COG3: variants seen among roughly 807,000 people sequenced by gnomAD.
COG3 encodes conserved oligomeric Golgi complex subunit 3.
Under a neutral mutation model 114.1 loss-of-function variants are expected in COG3, and 32 were observed. That is an observed-to-expected ratio of 0.28 (90% CI 0.21 to 0.38). The LOEUF is 0.38. Among genes scored for constraint, COG3 ranks in the 10% least tolerant of loss-of-function variants. The probability of loss-of-function intolerance (pLI) is 1.00; values close to 1 mark genes in which losing one functional copy is unlikely to be tolerated. For synonymous variants in COG3, 352 were observed against 365.7 expected (o/e 0.96, Z 0.43); for missense variants, 813 against 973.2 (o/e 0.84, Z 2.19).
intron 7 of COG3, 41 bp from the exon 8 acceptor site, chr13:45,486,454 C>G (rs767279682): frequency 1.6e-6 from 2 of 1,240,002 alleles, no homozygotes; most frequent in Non-Finnish European, 1.2e-6. Context: ...TATTTGTTTG[C>G]TAATTATCTT....
At chr13:45,475,166 G>A (rs1593676369) in intron 1 of COG3, among the ~76,000 whole-genome samples, 1 of 152,150 alleles carries the variant, frequency 6.6e-6, no homozygotes, top group South Asian at 2.1e-4. Context: ...AATGGTAGGA[G>A]GAGGTAATGT....
At chr13:45,468,395 T>C (rs1292846107) in intron 1 of COG3, among the ~76,000 whole-genome samples, 2 of 152,178 alleles carry the variant, frequency 1.3e-5, no homozygotes, top group East Asian at 1.9e-4. Context: ...CTTAAAAGAA[T>C]AGATTAGAAT....
At chr13:45,465,347 G>C (rs1343254839) in intron 1 of COG3, 137 bp downstream of exon 1, 11 of 1,356,074 alleles carry the variant, frequency 8.1e-6, no homozygotes, top group South Asian at 1.5e-5. Context: ...CGGATCCGGT[G>C]GGAGGGGCCT....
intron 5 of COG3, among the ~76,000 whole-genome samples, chr13:45,481,825 T>C (rs2137802396): frequency 6.7e-6 from 1 of 148,246 alleles, no homozygotes; most frequent in South Asian, 2.1e-4. Context: ...AATCGTTTAA[T>C]CATAGGTATT....
chr13:45,476,399 G>A (rs751797717), intron 2 of COG3, 52 bp downstream of exon 2: 8 of 1,561,342 alleles, frequency 5.1e-6, no homozygotes, highest in African/African-American at 4.1e-5. Flanking sequence ...GATGTCTGAA[G>A]ACAAGGCTAA....
Position 45,509,713 on chromosome 13 carries a change from C to T in COG3, c.1616C>T (p.Pro539Leu), listed in dbSNP as rs775838900. ...TKSGSTESLN[P>L]RPQTTISPAD... The stretch of plus-strand genomic sequence containing the variant: ...TTAGGTTCAACAGAATCCCTCAATC[C>T]TAGACCACAGACCACAATTTCTCCA... The change falls in exon 15 of 23, where the codon CCT becomes CTT. Residue 539 changes from proline (P) to leucine (L), a missense_variant. Physicochemically the swap from Pro to Leu is moderately conservative, Grantham distance 98. Transcript: ENST00000349995. 1 of 1,614,070 alleles carries T rather than the reference C, an allele frequency of 6.2e-7. No individual in the cohort carries two copies. Among genetic ancestry groups the T allele is most frequent in the South Asian group, 1.1e-5 (1 of 91,070 alleles).
chr13:45,530,189 G>A (rs2985988), intron 21 of COG3, among the ~76,000 whole-genome samples: 103,864 of 151,998 alleles, frequency 0.68, 36,673 homozygotes, highest in Middle Eastern at 0.8. Flanking sequence ...CCCTTACATT[G>A]CATGTGGCCC....
chr13:45,524,764 A>G (rs759743066), intron 19 of COG3, among the ~76,000 whole-genome samples: 11 of 152,228 alleles, frequency 7.2e-5, no homozygotes, highest in Non-Finnish European at 1.5e-4. Flanking sequence ...CCTTGAAATC[A>G]CAAAAGAAGT....
At chr13:45,533,518 C>T (rs1024720539) in intron 22 of COG3, among the ~76,000 whole-genome samples, 7 of 152,164 alleles carry the variant, frequency 4.6e-5, no homozygotes, top group Non-Finnish European at 2.9e-5. Context: ...CTAAATACTT[C>T]AGAGTGTATT....
intron 17 of COG3, among the ~76,000 whole-genome samples, chr13:45,518,000 A>G (rs1045101948): frequency 6.6e-6 from 1 of 152,204 alleles, no homozygotes; most frequent in Non-Finnish European, 1.5e-5. Flanking sequence ...AAAAGACAGC[A>G]GACACAACTA....
intron 1 of COG3, among the ~76,000 whole-genome samples, chr13:45,469,128 C>CT (rs969737539): frequency 3.3e-5 from 5 of 152,140 alleles, no homozygotes; most frequent in African/African-American, 9.7e-5. Flanking sequence ...AGGGAGCCTC[C>CT]TTTTGCCTCT....
chr13:45,466,913 TAGAA>T (rs1390770948), intron 1 of COG3, among the ~76,000 whole-genome samples: 17 of 152,230 alleles, frequency 1.1e-4, no homozygotes, highest in Non-Finnish European at 1.9e-4. Context: ...GTATTGAAGA[TAGAA>T]AGATAAATAG....
At chr13:45,532,967 G>A (rs1221941327) in intron 22 of COG3, among the ~76,000 whole-genome samples, 1 of 152,096 alleles carries the variant, frequency 6.6e-6, no homozygotes, top group Non-Finnish European at 1.5e-5. Flanking sequence ...GACAATGTGG[G>A]TGGAATTTCA....
chr13:45,489,514 T>G (rs1480972025), intron 8 of COG3, among the ~76,000 whole-genome samples: 1 of 152,084 alleles, frequency 6.6e-6, no homozygotes, highest in Non-Finnish European at 1.5e-5. Context: ...GGGCTCAGTG[T>G]GGTGGGTAAT....
At position 45,471,972 on chromosome 13, in the gene COG3, A is replaced by G. The variant is rs571279021; in HGVS notation, c.175-4229A>G. Among the ~76,000 whole-genome samples the G allele has an allele frequency of 1.3e-4, 20 of 152,256 alleles. 1 individual carries two copies. In the South Asian group the frequency reaches 4.2e-3, roughly 32 times the overall value. On this transcript the variant is annotated intron_variant, in intron 1 of 22. Transcript: ENST00000349995. The stretch of plus-strand genomic sequence containing the variant: ...GGTCCTGGACTCCTGACCTCAGGTG[A>G]TCCACCTGCCTCGGCCTCCGAAAGT...
At chr13:45,503,120 T>C (rs191544706) in intron 13 of COG3, 124 bp from the exon 14 acceptor site, 25 of 465,064 alleles carry the variant, frequency 5.4e-5, no homozygotes, top group African/African-American at 4.3e-4. Context: ...TATCCAGTCT[T>C]AAATCTGAAT....
At chr13:45,533,623 A>G (rs116217399) in intron 22 of COG3, among the ~76,000 whole-genome samples, 1 of 152,206 alleles carries the variant, frequency 6.6e-6, no homozygotes, top group African/African-American at 2.4e-5. Flanking sequence ...GTTCATACAC[A>G]CATTTCATCA....
At chr13:45,516,356 A>G in intron 17 of COG3, 93 bp downstream of exon 17, 2 of 1,099,026 alleles carry the variant, frequency 1.8e-6, no homozygotes, top group East Asian at 2.7e-5. Context: ...TTCATCTGCA[A>G]TTTTTTGCAT....
intron 3 of COG3, among the ~76,000 whole-genome samples, 177 bp from the exon 4 acceptor site, chr13:45,479,948 T>C (rs1886143160): frequency 6.6e-6 from 1 of 152,242 alleles, no homozygotes; most frequent in Admixed American, 6.5e-5. Flanking sequence ...TTCTTAAGTA[T>C]TGAAACGGTT....
Sources: allele counts gnomAD v4.1 joint callset (sites outside exome capture counted in the v4.1 genomes callset), GRCh38; gene constraint gnomAD v4.1.1; transcripts MANE v1.5; gene names NCBI Gene and HGNC (gene_info 2026-07-23, HGNC 2026-07-21).